The following TCF3 variants were observed in gnomAD, a reference collection of about 807,000 sequenced individuals.
TCF3 encodes the protein transcription factor E2-alpha.
A neutral mutation model predicts 72.3 loss-of-function variants in TCF3; 54 were observed. The ratio of observed to expected loss-of-function variants is 0.75; its 90% CI spans 0.60 to 0.94. TCF3 has a LOEUF of 0.94. TCF3 is among the 40% of genes least tolerant of loss of function. The pLI, the probability that TCF3 is intolerant of heterozygous loss-of-function variation, is 0.00. For synonymous variants in TCF3, 525 were observed against 412.6 expected (o/e 1.27, Z -3.30); for missense variants, 1,078 against 934.4 (o/e 1.15, Z -2.00).
chr19:1,646,223 G>A (rs2066071569), intron 3 of TCF3, 132 bp downstream of exon 3: 13 of 1,009,390 alleles, frequency 1.3e-5, no homozygotes, highest in African/African-American at 3.3e-5. Flanking sequence ...CGCTGCCCCC[G>A]ACCCGGCCTG....
At position 1,621,211 on chromosome 19, in the gene TCF3, A is replaced by T; in HGVS notation, c.956-20T>A. The T allele has an allele frequency of 2.6e-6, 4 of 1,532,072 alleles. No individual in the cohort carries two copies. Among genetic ancestry groups the T allele is most frequent in the Non-Finnish European group, 3.5e-6 (4 of 1,144,456 alleles). 94.9% of individuals were successfully genotyped at this position (1,532,072 alleles called of 1,614,324 possible). On this transcript the variant is annotated intron_variant, in intron 11 of 18. Coordinates refer to ENST00000262965, the MANE Select transcript of TCF3 (RefSeq NM_003200.5). Reference sequence around the variant, plus strand: ...GGGAGCCTGTGGGTGAAGAGAGGTGAGGCCCACGCAGCCCGGCCTGGGTGC... The same window carrying T: ...GGGAGCCTGTGGGTGAAGAGAGGTGTGGCCCACGCAGCCCGGCCTGGGTGC...
chr19:1,622,716 C>G (rs760138549), intron 8 of TCF3, among the ~76,000 whole-genome samples: 1 of 152,288 alleles, frequency 6.6e-6, no homozygotes, highest in East Asian at 1.9e-4. Context: ...CCTCCTTAAT[C>G]CAGAAAACTC....
intron 16 of TCF3, among the ~76,000 whole-genome samples, chr19:1,616,325 T>G (rs2061542289): frequency 2.0e-5 from 3 of 151,924 alleles, no homozygotes; most frequent in Non-Finnish European, 4.4e-5. Flanking sequence ...ATACAAAAAA[T>G]TAGCCAGCTG....
chr19:1,619,646 G>A, intron 14 of TCF3, 134 bp downstream of exon 14: 10 of 1,266,872 alleles, frequency 7.9e-6, no homozygotes, highest in Non-Finnish European at 1.1e-5. Flanking sequence ...TGTGTGCCTT[G>A]GCGGCCACGA....
At chr19:1,624,049 C>A (rs963968723) in intron 7 of TCF3, 49 bp from the exon 8 acceptor site, 1 of 1,585,680 alleles carries the variant, frequency 6.3e-7, no homozygotes, top group Non-Finnish European at 8.6e-7. Flanking sequence ...ATGAGAACAA[C>A]CCCTGCCCTA....
intron 2 of TCF3, among the ~76,000 whole-genome samples, chr19:1,648,571 C>T (rs369702280): frequency 3.7e-4 from 56 of 152,314 alleles, no homozygotes; most frequent in Non-Finnish European, 6.5e-4. Context: ...AACTGCACCT[C>T]GGGTTACTCA....
chr19:1,619,255 G>A (rs760211637), intron 15 of TCF3, 21 bp from the exon 16 acceptor site: 15 of 1,581,958 alleles, frequency 9.5e-6, no homozygotes, highest in East Asian at 2.2e-5. Context: ...GGGGAGACGG[G>A]TGCATCAGGG....
At position 1,646,390 on chromosome 19, in the gene TCF3, G is replaced by A. The variant is rs1340859555; in HGVS notation, c.110C>T (p.Pro37Leu). 23 of 1,550,192 alleles carry A rather than the reference G, an allele frequency of 1.5e-5. No individual in the cohort carries two copies. The highest frequency in any genetic ancestry group is 1.5e-5 in the Non-Finnish European group (17 of 1,146,708). The change falls in exon 3 of 19, where the codon CCC becomes CTC. Residue 37 changes from proline (P) to leucine (L), a missense_variant. Pro to Leu is a moderately conservative substitution (Grantham distance 98). Coordinates refer to ENST00000262965, the MANE Select transcript of TCF3 (RefSeq NM_003200.5). ...PLPVTNGKGR[P>L]ASLAGAQFGG... is the part of the protein sequence containing the mutation. Reference sequence around the variant, plus strand: ...GAACTGCGCCCCGGCCAGGGAGGCGGGCCGGCCCTTCCCGTTGGTGACAGG... The same window carrying A: ...GAACTGCGCCCCGGCCAGGGAGGCGAGCCGGCCCTTCCCGTTGGTGACAGG...
chr19:1,641,751 C>T (rs1436811681), intron 3 of TCF3, among the ~76,000 whole-genome samples: 1 of 152,116 alleles, frequency 6.6e-6, no homozygotes, highest in Non-Finnish European at 1.5e-5. Flanking sequence ...CCGCACCCAG[C>T]TGAAATTTTT....
chr19:1,633,551 G>A (rs918337649), intron 3 of TCF3, among the ~76,000 whole-genome samples: 4 of 152,134 alleles, frequency 2.6e-5, no homozygotes, highest in Non-Finnish European at 5.9e-5. Flanking sequence ...CATTCCCCCC[G>A]GGGAGTATTG....
chr19:1,648,651 G>T (rs1034745567), intron 2 of TCF3, among the ~76,000 whole-genome samples: 2 of 152,228 alleles, frequency 1.3e-5, no homozygotes, highest in Admixed American at 6.5e-5. Context: ...TGGCCCCTCC[G>T]GCCCTTGGGC....
intron 3 of TCF3, among the ~76,000 whole-genome samples, chr19:1,633,022 G>A (rs953929342): frequency 6.6e-6 from 1 of 150,806 alleles, no homozygotes; most frequent in South Asian, 2.1e-4. Context: ...GCCCAGTGTG[G>A]AGACCAGAAG....
intron 3 of TCF3, among the ~76,000 whole-genome samples, chr19:1,635,398 C>T (rs907644986): frequency 6.6e-6 from 1 of 152,090 alleles, no homozygotes; most frequent in Non-Finnish European, 1.5e-5. Flanking sequence ...TCTTCTCCCT[C>T]CCTCTACCCT....
intron 3 of TCF3, among the ~76,000 whole-genome samples, chr19:1,634,330 T>C (rs1029814360): frequency 6.6e-6 from 1 of 152,252 alleles, no homozygotes; most frequent in African/African-American, 2.4e-5. Flanking sequence ...TGTCAGAGTG[T>C]GGTTTTCTGT....
At position 1,609,542 on chromosome 19, in the gene TCF3, T is replaced by C. The variant is rs987530027; in HGVS notation, c.*2165A>G. ...CCTCCTCGCGCTGGGTGAATCTCGT[T>C]TGAATTCTATGCAGAACGCACAGTT... On this transcript the variant is annotated 3_prime_UTR_variant, in exon 19 of 19. Coordinates refer to ENST00000262965, the MANE Select transcript of TCF3 (RefSeq NM_003200.5). 1 of 212,936 alleles carries C rather than the reference T, an allele frequency of 4.7e-6. No homozygotes were observed. The highest frequency in any genetic ancestry group is 9.5e-6 in the Non-Finnish European group (1 of 105,564). The allele number at this position is 212,936 out of a possible 1,614,324, so 13.2% of individuals were successfully genotyped here. A position where few individuals can be genotyped will look rare whatever the true frequency, so the allele number is the denominator to read the frequency against.
chr19:1,650,149 C>T (rs991809675), intron 2 of TCF3, 28 bp downstream of exon 2: 8 of 1,522,228 alleles, frequency 5.3e-6, no homozygotes, highest in African/African-American at 1.4e-5. Flanking sequence ...AAAGGGGTGT[C>T]GGGGGCTGGG....
chr19:1,629,999 G>A (rs952507734), intron 5 of TCF3, among the ~76,000 whole-genome samples: 3 of 152,170 alleles, frequency 2.0e-5, no homozygotes, highest in Non-Finnish European at 4.4e-5. Flanking sequence ...GGAGACTGAG[G>A]TTATGGCAAA....
At chr19:1,640,034 C>G (rs1599964567) in intron 3 of TCF3, among the ~76,000 whole-genome samples, 1 of 152,198 alleles carries the variant, frequency 6.6e-6, no homozygotes, top group Non-Finnish European at 1.5e-5. Flanking sequence ...AGAGAAAATG[C>G]ACAGGGCAGC....
rs145095368 is a variant in TCF3, at chr19:1,621,895, T to C, written c.898A>G (p.Thr300Ala). Residue 300 changes from threonine to alanine, a missense_variant, in exon 11 of 19, where the codon ACG becomes GCG. Physicochemically the swap from Thr to Ala is moderately conservative, Grantham distance 58 (BLOSUM62 0). Transcript: ENST00000262965. ...GTGTGGCTGGAGACGCCGCCGTACGTGGCTCCGGGGGCTGAGGAGAAGGAG... is the reference window on the plus strand; with the variant it reads ...GTGTGGCTGGAGACGCCGCCGTACGCGGCTCCGGGGGCTGAGGAGAAGGAG... The part of the protein sequence containing the change: ...ASSFSSAPGA[T>A]YGGVSSHTPP... The C allele has an allele frequency of 1.2e-4, 187 of 1,598,364 alleles. No homozygotes were observed. The African/African-American group carries it at 2.2e-3, about 18-fold the overall frequency.
Sources: allele counts gnomAD v4.1 joint callset (sites outside exome capture counted in the v4.1 genomes callset), GRCh38; gene constraint gnomAD v4.1.1; transcripts MANE v1.5; gene names NCBI Gene and HGNC (gene_info 2026-07-23, HGNC 2026-07-21).